Variants in FCHSD2 observed in about 807,000 individuals in gnomAD.
The protein encoded by FCHSD2 is FCH and double SH3 domains 2, also known as F-BAR and double SH3 domains protein 2.
FCHSD2 carries 38 observed loss-of-function variants against 108.1 expected under a neutral mutation model. The ratio of observed to expected loss-of-function variants is 0.35; its 90% CI spans 0.27 to 0.46. FCHSD2 has a LOEUF of 0.46. Ranked by LOEUF, FCHSD2 falls within the 20% of genes least tolerant of loss-of-function variation. FCHSD2 has a pLI of 1.00. For missense variants in FCHSD2, 751 were observed against 897.8 expected (o/e 0.84, Z 2.09); for synonymous variants, 279 against 314.7 (o/e 0.89, Z 1.20).
At chr11:72,892,329 T>C (rs1293923754) in intron 10 of FCHSD2, among the ~76,000 whole-genome samples, 2 of 152,266 alleles carry the variant, frequency 1.3e-5, no homozygotes, top group East Asian at 3.9e-4. Context: ...ATGCCACTGA[T>C]TGGAAGATGT....
intron 8 of FCHSD2, among the ~76,000 whole-genome samples, chr11:72,941,468 G>GTTTTTTATTCCCCACTCTATTTTATAT (rs60755272): frequency 6.6e-6 from 1 of 151,048 alleles, no homozygotes; most frequent in African/African-American, 2.4e-5. Flanking sequence ...ATAAAATATA[G>GTTTTTTATTCCCCACTCTATTTTATAT]ACTCCCAACT....
chr11:73,135,517 C>A (rs998549166), intron 2 of FCHSD2, among the ~76,000 whole-genome samples: 1 of 151,924 alleles, frequency 6.6e-6, no homozygotes, highest in African/African-American at 2.4e-5. Flanking sequence ...ATAAACAATC[C>A]TAAGAAGAAA....
intron 10 of FCHSD2, among the ~76,000 whole-genome samples, chr11:72,899,672 G>A (rs540084868): frequency 1.3e-5 from 2 of 149,666 alleles, no homozygotes; most frequent in African/African-American, 4.9e-5. Flanking sequence ...AGGAGGTTGA[G>A]GCGCAGTGAG....
At chr11:72,996,237 C>T (rs1387803016) in intron 5 of FCHSD2, among the ~76,000 whole-genome samples, 1 of 152,078 alleles carries the variant, frequency 6.6e-6, no homozygotes, top group Non-Finnish European at 1.5e-5. Context: ...TATTTACTAC[C>T]TAAGTCTCTT....
chr11:73,069,009 C>T (rs1443058761), intron 3 of FCHSD2, among the ~76,000 whole-genome samples: 2 of 149,448 alleles, frequency 1.3e-5, no homozygotes, highest in African/African-American at 2.5e-5. Flanking sequence ...GCAAAACCAT[C>T]TCCAAAAAAC....
intron 10 of FCHSD2, among the ~76,000 whole-genome samples, chr11:72,898,388 G>C (rs1042255008): frequency 3.3e-5 from 5 of 152,188 alleles, no homozygotes; most frequent in African/African-American, 1.2e-4. Context: ...TAAGGCAAGG[G>C]CATATGCAAA....
chr11:72,844,984 G>T (rs898356174), intron 14 of FCHSD2, among the ~76,000 whole-genome samples: 1 of 152,120 alleles, frequency 6.6e-6, no homozygotes, highest in African/African-American at 2.4e-5. Flanking sequence ...ACTATGCCTT[G>T]AATATGCCAG....
At chr11:73,127,155 G>C (rs538437034) in intron 2 of FCHSD2, among the ~76,000 whole-genome samples, 18 of 152,272 alleles carry the variant, frequency 1.2e-4, no homozygotes, top group South Asian at 2.1e-4. Context: ...ACTCCAACTT[G>C]TTTCTGTGGA....
chr11:73,094,103 C>T lies in FCHSD2; in HGVS notation c.120-10363G>A, dbSNP rs534275616. Among the ~76,000 whole-genome samples the T allele has an allele frequency of 3.9e-5, 6 of 152,032 alleles. No homozygotes were observed. In the South Asian group the frequency reaches 1.0e-3, roughly 26 times the overall value. ...GCGCACATCTGTAATCCCAGCTACCCGGGAGGCTGAGGCAAGAGAATCACT... is the reference window on the plus strand; with the variant it reads ...GCGCACATCTGTAATCCCAGCTACCTGGGAGGCTGAGGCAAGAGAATCACT... On this transcript the variant is annotated intron_variant, in intron 2 of 19. Transcript: ENST00000409418.
At chr11:72,981,064 T>TA (rs1363494054) in intron 8 of FCHSD2, among the ~76,000 whole-genome samples, 1 of 152,208 alleles carries the variant, frequency 6.6e-6, no homozygotes, top group Non-Finnish European at 1.5e-5. Flanking sequence ...GGAAATTTAC[T>TA]AAGTAGCTAA....
intron 5 of FCHSD2, among the ~76,000 whole-genome samples, chr11:72,992,141 A>T (rs1290346820): frequency 2.0e-5 from 3 of 152,244 alleles, no homozygotes; most frequent in African/African-American, 4.8e-5. Context: ...GAGCCAAATC[A>T]TGAGTGAACT....
At position 72,872,128 on chromosome 11, in the gene FCHSD2, T is replaced by C. The variant is rs552932020; in HGVS notation, c.1147-4102A>G. On this transcript the variant is annotated intron_variant, in intron 12 of 19. Coordinates refer to ENST00000409418, the MANE Select transcript of FCHSD2 (RefSeq NM_014824.3). ...TTGGGGTATCATATACGTCTTTATA[T>C]AAGACAATTGGAATTTTTGGCTTAG... Among the ~76,000 whole-genome samples the C allele has an allele frequency of 1.6e-4, 24 of 152,238 alleles. No homozygotes were observed. In the South Asian group the frequency reaches 2.1e-3, roughly 13 times the overall value.
intron 8 of FCHSD2, among the ~76,000 whole-genome samples, chr11:72,928,775 G>A (rs1156970381): frequency 6.6e-6 from 1 of 152,044 alleles, no homozygotes; most frequent in East Asian, 1.9e-4. Flanking sequence ...ACAACGTGCA[G>A]GTTTGTTACA....
chr11:72,914,962 A>ATTT (rs1484667611), intron 9 of FCHSD2, among the ~76,000 whole-genome samples: 113 of 41,936 alleles, frequency 2.7e-3, no homozygotes, highest in Non-Finnish European at 3.7e-3. Context: ...ACAGAATGGG[A>ATTT]ATTTTTTTTT....
At chr11:72,917,135 C>T (rs10751223) in intron 9 of FCHSD2, among the ~76,000 whole-genome samples, 150,775 of 152,168 alleles carry the variant, frequency 0.99, 74,697 homozygotes, top group East Asian at 1. Flanking sequence ...CAGGCACCCA[C>T]CACCACGCCC....
At chr11:72,956,999 CAG>C (rs1856723911) in intron 8 of FCHSD2, among the ~76,000 whole-genome samples, 1 of 149,286 alleles carries the variant, frequency 6.7e-6, no homozygotes, top group African/African-American at 2.5e-5. Flanking sequence ...AGACATCCAA[CAG>C]AATCAAAGGA....
At chr11:73,039,101 C>G (rs1591504087) in intron 3 of FCHSD2, among the ~76,000 whole-genome samples, 1 of 152,132 alleles carries the variant, frequency 6.6e-6, no homozygotes, top group Non-Finnish European at 1.5e-5. Context: ...TATCTGCAAC[C>G]AGTTTCAAAC....
At chr11:72,991,947 A>G (rs971514884) in intron 5 of FCHSD2, among the ~76,000 whole-genome samples, 2 of 152,216 alleles carry the variant, frequency 1.3e-5, no homozygotes, top group African/African-American at 4.8e-5. Flanking sequence ...AGGGTATTCA[A>G]TTAGGAAAAG....
At chr11:73,111,809 A>C (rs1860493093) in intron 2 of FCHSD2, among the ~76,000 whole-genome samples, 1 of 152,070 alleles carries the variant, frequency 6.6e-6, no homozygotes, top group Non-Finnish European at 1.5e-5. Flanking sequence ...TACTACCATA[A>C]AACCCAATTA....
Sources: gnomAD v4.1 joint callset for allele counts (sites outside exome capture counted in the v4.1 genomes callset) on GRCh38, gnomAD v4.1.1 for gene constraint, MANE v1.5 for transcripts, NCBI Gene and HGNC (gene_info 2026-07-23, HGNC 2026-07-21) for gene names.